BNIP2: variants seen among roughly 807,000 people sequenced by gnomAD.
BNIP2 encodes BCL2 interacting protein 2.
BNIP2 carries 36 observed loss-of-function variants against 43.4 expected under a neutral mutation model. The observed-to-expected ratio is 0.83, with a 90% CI of 0.64 to 1.10. The LOEUF is 1.10. Ranked by LOEUF, BNIP2 falls within the 50% of genes least tolerant of loss-of-function variation. The probability of loss-of-function intolerance (pLI) is 0.00; values close to 1 mark genes in which losing one functional copy is unlikely to be tolerated. For missense variants in BNIP2, 417 were observed against 374.1 expected (o/e 1.11, Z -0.95); for synonymous variants, 146 against 121.0 (o/e 1.21, Z -1.35).
rs754464143 is a variant in BNIP2 at position 59,677,981 on chromosome 15, C to T, written c.402G>A (p.Arg134=). ...CAACCCTGTGGTCCTGTTCTCCAAT[C>T]CTGAACATACGCCAGCGTCGTCCAT... ...KEDGRRWRMF[R]IGEQDHRVDM... Residue 134 remains arginine (R), a synonymous_variant, in exon 5 of 10, where the codon AGG becomes AGA. Transcript: ENST00000607373. 1.9e-6 allele frequency: 3 copies of T among 1,613,996 alleles called. No homozygotes were observed. The highest frequency in any genetic ancestry group is 2.2e-5 in the South Asian group (2 of 91,082).
chr15:59,679,255 C>A (rs1246454714), intron 4 of BNIP2: 1 of 193,112 alleles, frequency 5.2e-6, no homozygotes, highest in African/African-American at 2.4e-5. Context: ...AAAGTCACCC[C>A]AAATGCCTCC....
At chr15:59,665,749 C>T (rs1386249609) in intron 9 of BNIP2, among the ~76,000 whole-genome samples, 1 of 152,168 alleles carries the variant, frequency 6.6e-6, no homozygotes, top group Non-Finnish European at 1.5e-5. Context: ...CCCTTCAAAG[C>T]TAACAGTCTA....
Position 59,662,868 on chromosome 15 carries a change from G to A in BNIP2, c.*1201C>T, listed in dbSNP as rs574110046. 4 of 152,154 alleles carry A rather than the reference G, an allele frequency of 2.6e-5. No individual in the cohort carries two copies. Among genetic ancestry groups the A allele is most frequent in the African/African-American group, 9.6e-5 (4 of 41,526 alleles). The allele number at this position is 152,154 out of a possible 1,614,324, so 9.4% of individuals were successfully genotyped here. A position where few individuals can be genotyped will look rare whatever the true frequency, so the allele number is the denominator to read the frequency against. On this transcript the variant is annotated 3_prime_UTR_variant, in exon 10 of 10. Coordinates refer to ENST00000607373, the MANE Select transcript of BNIP2 (RefSeq NM_004330.4). ...TCGGTAATTAAACTTTTTGTTTGGA[G>A]GCACAAACACAATTTATTTCAATGT...
rs556658568 is a variant in BNIP2 at position 59,667,955 on chromosome 15, G to A, written c.893+937C>T. ...AGTCATATTCAGCCTTAGGAACTCTGGGTTCACCCTGTATTTGGAAGTTGG... is the reference window on the plus strand; with the variant it reads ...AGTCATATTCAGCCTTAGGAACTCTAGGTTCACCCTGTATTTGGAAGTTGG... On this transcript the variant is annotated intron_variant, in intron 9 of 9. Transcript: ENST00000607373. 2.0e-5 allele frequency: 8 copies of A among 394,468 alleles called. No homozygotes were observed. In the East Asian group the frequency reaches 6.3e-4, roughly 31 times the overall value. The allele number at this position is 394,468 out of a possible 1,614,324, so 24.4% of individuals were successfully genotyped here.
At chr15:59,668,792 A>G in intron 9 of BNIP2, 100 bp downstream of exon 9, 1 of 1,106,916 alleles carries the variant, frequency 9.0e-7, no homozygotes, top group Non-Finnish European at 1.3e-6. Context: ...GCGCACAGTT[A>G]TAAAATATAA....
At chr15:59,680,459 G>A (rs913278251) in intron 2 of BNIP2, among the ~76,000 whole-genome samples, 151 bp from the exon 3 acceptor site, 1 of 152,070 alleles carries the variant, frequency 6.6e-6, no homozygotes, top group East Asian at 1.9e-4. Context: ...CTTGCTGTCT[G>A]TCACCTAGGC....
At chr15:59,675,153 G>GCTGGCGTATCGCTTGAGC in intron 5 of BNIP2, among the ~76,000 whole-genome samples, 1 of 151,900 alleles carries the variant, frequency 6.6e-6, no homozygotes, top group South Asian at 2.1e-4. Context: ...GGAGGCTGAG[G>GCTGGCGTATCGCTTGAGC]CTGGCGTATC....
chr15:59,682,137 G>A (rs1409890703), intron 2 of BNIP2, among the ~76,000 whole-genome samples: 1 of 152,036 alleles, frequency 6.6e-6, no homozygotes, highest in Non-Finnish European at 1.5e-5. Context: ...GACCAGCCTG[G>A]CCAATATGGT....
At chr15:59,679,548 T>C (rs1468702586) in intron 4 of BNIP2, 44 bp downstream of exon 4, 4 of 1,559,128 alleles carry the variant, frequency 2.6e-6, no homozygotes, top group African/African-American at 2.7e-5. Context: ...CAAAATCCCT[T>C]AGTACATTAA....
chr15:59,663,871 A>G lies in BNIP2; in HGVS notation c.*198T>C, dbSNP rs934218909. 11 of 397,166 alleles carry G rather than the reference A, an allele frequency of 2.8e-5. No individual in the cohort carries two copies. Among genetic ancestry groups the G allele is most frequent in the Non-Finnish European group, 4.9e-5 (11 of 224,480 alleles). 24.6% of individuals were successfully genotyped at this position (397,166 alleles called of 1,614,324 possible). On this transcript the variant is annotated 3_prime_UTR_variant, in exon 10 of 10. Coordinates refer to ENST00000607373, the MANE Select transcript of BNIP2 (RefSeq NM_004330.4). Reference sequence around the variant, plus strand: ...CGATAATAATACAGTTAGCTATTAAAGAGCTAAATTCAAGAAATTTGCAAA... The same window carrying G: ...CGATAATAATACAGTTAGCTATTAAGGAGCTAAATTCAAGAAATTTGCAAA...
At position 59,660,944 on chromosome 15, in the gene BNIP2, CCA is replaced by C. The variant is rs1298438716; in HGVS notation, c.*3123_*3124del. On this transcript the variant is annotated 3_prime_UTR_variant, in exon 10 of 10. Transcript: ENST00000607373. ...TATTATCAACTTTTCCCCCTTCAAT[CCA>C]CAGTCTTTATTCACATACCTTGCGT... 10 of 152,268 alleles carry C rather than the reference CCA, an allele frequency of 6.6e-5. No individual in the cohort carries two copies. The highest frequency in any genetic ancestry group is 2.1e-4 in the South Asian group (1 of 4,824). The allele number at this position is 152,268 out of a possible 1,614,324, so 9.4% of individuals were successfully genotyped here. A position where few individuals can be genotyped will look rare whatever the true frequency, so the allele number is the denominator to read the frequency against.
At chr15:59,682,200 AC>A (rs1471867211) in intron 2 of BNIP2, among the ~76,000 whole-genome samples, 11 of 151,986 alleles carry the variant, frequency 7.2e-5, no homozygotes, top group African/African-American at 2.2e-4. Context: ...GGTGGCGCAC[AC>A]CTATAGTCCC....
intron 1 of BNIP2, among the ~76,000 whole-genome samples, chr15:59,685,355 G>A (rs1418232913): frequency 6.6e-6 from 1 of 152,110 alleles, no homozygotes; most frequent in African/African-American, 2.4e-5. Flanking sequence ...CAAAAAATCA[G>A]CCAGGCGTGG....
At position 59,677,826 on chromosome 15, in the gene BNIP2, ACT is replaced by A. The variant is rs1219850635; in HGVS notation, c.472+83_472+84del. On this transcript the variant is annotated intron_variant, in intron 5 of 9. Coordinates refer to ENST00000607373, the MANE Select transcript of BNIP2 (RefSeq NM_004330.4). ...CCTGTGTTCTGTACAGGGCTTATTTACTCTTAATAAACAGATATCCTTCCAAA... is the reference window on the plus strand; with the variant it reads ...CCTGTGTTCTGTACAGGGCTTATTTACTTAATAAACAGATATCCTTCCAAA... The A allele has an allele frequency of 1.4e-5, 21 of 1,469,384 alleles. No homozygotes were observed. The East Asian group carries it at 4.8e-4, about 34-fold the overall frequency. The allele number at this position is 1,469,384 out of a possible 1,614,324, so 91.0% of individuals were successfully genotyped here.
Position 59,662,803 on chromosome 15 carries a change from C to T in BNIP2, c.*1266G>A, listed in dbSNP as rs1892346688. The stretch of plus-strand genomic sequence containing the variant: ...GTGTATGAGCCTTTCAAGTATATGA[C>T]ACAATATCAGATCAATCTGTTGTTT... On this transcript the variant is annotated 3_prime_UTR_variant, in exon 10 of 10. Coordinates refer to ENST00000607373, the MANE Select transcript of BNIP2 (RefSeq NM_004330.4). 6.6e-6 allele frequency: 1 copy of T among 152,152 alleles called. No individual in the cohort carries two copies. The highest frequency in any genetic ancestry group is 2.4e-5 in the African/African-American group (1 of 41,428). 9.4% of individuals were successfully genotyped at this position (152,152 alleles called of 1,614,324 possible). A position where few individuals can be genotyped will look rare whatever the true frequency, so the allele number is the denominator to read the frequency against.
At chr15:59,685,681 A>C (rs1335570656) in intron 1 of BNIP2, among the ~76,000 whole-genome samples, 2 of 152,208 alleles carry the variant, frequency 1.3e-5, no homozygotes, top group Non-Finnish European at 2.9e-5. Context: ...TCAATTATCT[A>C]GTTAAACAGA....
At chr15:59,688,496 T>C (rs1184802340) in intron 1 of BNIP2, 2 of 464,832 alleles carry the variant, frequency 4.3e-6, no homozygotes, top group Non-Finnish European at 7.6e-6. Context: ...AAAAGCTGTT[T>C]CGTCAAAGAG....
intron 8 of BNIP2, 92 bp downstream of exon 8, chr15:59,669,184 T>G (rs1168342720): frequency 8.3e-6 from 9 of 1,090,374 alleles, no homozygotes; most frequent in African/African-American, 1.6e-5. Context: ...AATATAGCTC[T>G]GTATCCCATA....
intron 1 of BNIP2, 102 bp from the exon 2 acceptor site, chr15:59,682,616 C>A (rs1595706656): frequency 2.3e-6 from 2 of 854,832 alleles, no homozygotes; most frequent in Non-Finnish European, 3.4e-6. Context: ...ATGTTTAGTA[C>A]AATGGTCTGG....
Sources: gnomAD v4.1 joint callset for allele counts (sites outside exome capture counted in the v4.1 genomes callset) on GRCh38, gnomAD v4.1.1 for gene constraint, MANE v1.5 for transcripts, NCBI Gene and HGNC (gene_info 2026-07-23, HGNC 2026-07-21) for gene names.